PALM: variants seen among roughly 807,000 people sequenced by gnomAD.
The protein encoded by PALM is paralemmin-1.
Under a neutral mutation model 30.7 loss-of-function variants are expected in PALM, and 18 were observed. The observed-to-expected ratio is 0.59, with a 90% CI of 0.41 to 0.87. The LOEUF is 0.87. PALM is among the 40% of genes least tolerant of loss of function. PALM has a pLI of 0.00. For synonymous variants in PALM, 286 were observed against 242.8 expected, an observed-to-expected ratio of 1.18 and a Z score of -1.66; for missense variants, 529 against 555.4, an observed-to-expected ratio of 0.95 and a Z score of 0.48.
In PALM at chr19:723,076, C is replaced by T. The variant is rs140697698; in HGVS notation, c.6-3062C>T. Among the ~76,000 whole-genome samples the T allele has an allele frequency of 1.3e-3, 195 of 146,890 alleles. 8 individuals carry two copies. The East Asian group carries it at 0.039, about 29-fold the overall frequency. On this transcript the variant is annotated intron_variant, in intron 1 of 8. Transcript: ENST00000338448. Reference sequence around the variant, plus strand: ...TCTTGACCCGGAGCAGCCTCCCAGGCGGGGCTGGGGGTGAGCCAGTGCACT... The same window carrying T: ...TCTTGACCCGGAGCAGCCTCCCAGGTGGGGCTGGGGGTGAGCCAGTGCACT...
rs142161853 is a variant in PALM, at chr19:727,097, G to C, written c.138+9G>C. 1.2e-5 allele frequency: 19 copies of C among 1,535,198 alleles called. No individual in the cohort carries two copies. Among genetic ancestry groups the C allele is most frequent in the African/African-American group, 2.8e-5 (2 of 72,646 alleles). On this transcript the variant is annotated intron_variant, in intron 3 of 8. Coordinates refer to ENST00000338448, the MANE Select transcript of PALM (RefSeq NM_002579.3). ...AGCTGCAGCACCTGAAGGTACGAGC[G>C]GGGCAGGGACCCAGGGTCAGGGAGT...
chr19:717,664 G>C (rs2238553), intron 1 of PALM, among the ~76,000 whole-genome samples: 1 of 151,896 alleles, frequency 6.6e-6, no homozygotes, highest in African/African-American at 2.4e-5. Context: ...ATAAGTGTAA[G>C]TCGTGACAGT....
At chr19:717,660 G>GT (rs1477135578) in intron 1 of PALM, among the ~76,000 whole-genome samples, 1 of 151,918 alleles carries the variant, frequency 6.6e-6, no homozygotes, top group African/African-American at 2.4e-5. Context: ...TTACATAAGT[G>GT]TAAGTCGTGA....
chr19:736,099 T>C, intron 7 of PALM, 21 bp downstream of exon 7: 1 of 1,479,660 alleles, frequency 6.8e-7, no homozygotes, highest in South Asian at 1.1e-5. Context: ...CCCCAGGCTC[T>C]GGGCCCCAGA....
chr19:736,183 G>T, intron 7 of PALM, 105 bp downstream of exon 7: 2 of 774,356 alleles, frequency 2.6e-6, no homozygotes, highest in Non-Finnish European at 2.1e-6. Flanking sequence ...CCTGCTCTCC[G>T]CAGCGTCTGA....
intron 7 of PALM, among the ~76,000 whole-genome samples, chr19:739,922 C>A (rs1316760046): frequency 6.6e-6 from 1 of 152,150 alleles, no homozygotes; most frequent in African/African-American, 2.4e-5. Context: ...CAGATCACAC[C>A]ACTGTGCTCC....
At chr19:712,214 G>A (rs1304132516) in intron 1 of PALM, among the ~76,000 whole-genome samples, 2 of 151,338 alleles carry the variant, frequency 1.3e-5, no homozygotes, top group East Asian at 2.0e-4. Flanking sequence ...GTAGCGACAG[G>A]GTTTCACCAG....
chr19:728,810 T>C (rs150695852), intron 4 of PALM, among the ~76,000 whole-genome samples: 2,617 of 152,008 alleles, frequency 0.017, 82 homozygotes, highest in African/African-American at 0.059. Context: ...GAGACCATCC[T>C]GGCTAACACA....
chr19:712,702 GTC>G (rs1205303571), intron 1 of PALM, among the ~76,000 whole-genome samples: 4 of 147,872 alleles, frequency 2.7e-5, no homozygotes, highest in Non-Finnish European at 4.5e-5. Context: ...TGGAGACAGA[GTC>G]TCTCTCTGTC....
chr19:747,137 G>T lies in PALM; in HGVS notation c.*323G>T. ...GGCTCGCGCCCACCGGGGTCCTGGC[G>T]GGTGGGACCCGCAGCCTCCACGCGG... is the stretch of plus-strand genomic sequence containing the variant. On this transcript the variant is annotated 3_prime_UTR_variant, in exon 9 of 9. Coordinates refer to ENST00000338448, the MANE Select transcript of PALM (RefSeq NM_002579.3). The T allele has an allele frequency of 3.3e-6, 1 of 299,834 alleles. No homozygotes were observed. The highest frequency in any genetic ancestry group is 6.3e-6 in the Non-Finnish European group (1 of 159,078). 18.6% of individuals were successfully genotyped at this position (299,834 alleles called of 1,614,324 possible).
intron 6 of PALM, 81 bp downstream of exon 6, chr19:734,275 T>C (rs1190157481): frequency 7.1e-7 from 1 of 1,405,402 alleles, no homozygotes; most frequent in Non-Finnish European, 1.0e-6. Flanking sequence ...GGAGTGAAGC[T>C]ACAAAGTTGC....
chr19:746,572 G>A lies in PALM; in HGVS notation c.922G>A (p.Val308Met), dbSNP rs764486706. 1.4e-5 allele frequency: 22 copies of A among 1,613,314 alleles called. No individual in the cohort carries two copies. The highest frequency in any genetic ancestry group is 4.0e-5 in the African/African-American group (3 of 74,910). Reference sequence around the variant, plus strand: ...AATGATCTTCATGGGTTACCAGAACGTGGAGGATGAGGCCGAGACCAAGAA... The same window carrying A: ...AATGATCTTCATGGGTTACCAGAACATGGAGGATGAGGCCGAGACCAAGAA... ...VTMIFMGYQN[V>M]EDEAETKKVL... The change falls in exon 9 of 9, where the codon GTG becomes ATG. Residue 308 changes from valine to methionine, a missense_variant. Transcript: ENST00000338448. The surrounding 1 kb of genome is among the most constrained non-coding windows in gnomAD (Gnocchi z 7.1).
chr19:720,294 G>C (rs990091825), intron 1 of PALM, among the ~76,000 whole-genome samples: 16 of 151,882 alleles, frequency 1.1e-4, no homozygotes, highest in Middle Eastern at 6.9e-3. Flanking sequence ...ATCCATCACC[G>C]GGGCGGCGGC....
Position 727,000 on chromosome 19 carries a change from C to CCCCCCCCCA in PALM, c.58-5_58-4insCCCCCACCC. ...CCCATCCCTGACCCCACCCGGCCCT[C>CCCCCCCCCA]CCCACAGGAGAAGCGGAAGCGGCAG... On this transcript the variant is annotated splice_polypyrimidine_tract_variant and splice_region_variant and intron_variant, in intron 2 of 8. Transcript: ENST00000338448. The CCCCCCCCCA allele has an allele frequency of 1.4e-6, 2 of 1,446,498 alleles. No individual in the cohort carries two copies. Among genetic ancestry groups the CCCCCCCCCA allele is most frequent in the Non-Finnish European group, 9.5e-7 (1 of 1,055,342 alleles). The allele number at this position is 1,446,498 out of a possible 1,614,324, so 89.6% of individuals were successfully genotyped here. A position where few individuals can be genotyped will look rare whatever the true frequency, so the allele number is the denominator to read the frequency against.
intron 6 of PALM, chr19:735,080 G>A (rs1490327399): frequency 1.0e-6 from 1 of 984,912 alleles, no homozygotes; most frequent in African/African-American, 1.7e-5. Flanking sequence ...GCTGCCTGTG[G>A]GATTTTCTAG....
intron 7 of PALM, 60 bp downstream of exon 7, chr19:736,138 G>GT: frequency 7.7e-7 from 1 of 1,291,764 alleles, no homozygotes; most frequent in South Asian, 1.2e-5. Flanking sequence ...CCAAGTCTCG[G>GT]TCCGGGGGGC....
At chr19:741,267 G>A (rs1286811975) in intron 8 of PALM, among the ~76,000 whole-genome samples, 1 of 152,194 alleles carries the variant, frequency 6.6e-6, no homozygotes, top group African/African-American at 2.4e-5. Context: ...GAGGAGGCAA[G>A]CAGGGGCTCA....
rs551346388 is a variant in PALM, at chr19:709,493, A to G, written c.5+342A>G. On this transcript the variant is annotated intron_variant, in intron 1 of 8. Transcript: ENST00000338448. This position sits in a 1 kb window ranked among gnomAD's most constrained non-coding sequence, Gnocchi z 4.3. ...CCAGGGCGAGCCTCGGCTCTCGGCC[A>G]CCTGTGGGTGGCCCCGGGGAGATGG... Among the ~76,000 whole-genome samples the G allele has an allele frequency of 1.0e-3, 157 of 151,584 alleles. No individual in the cohort carries two copies. Among genetic ancestry groups the G allele is most frequent in the Non-Finnish European group, 1.5e-3 (103 of 67,732 alleles).
rs550702863 is a variant in PALM at position 709,982 on chromosome 19, C to T, written c.5+831C>T. ...ATTTCGGACACCGGTCCCCTCCTCC[C>T]GGTGCTCGGGTGCCCCTCTGCCCCT... is the stretch of plus-strand genomic sequence containing the variant. On this transcript the variant is annotated intron_variant, in intron 1 of 8. Coordinates refer to ENST00000338448, the MANE Select transcript of PALM (RefSeq NM_002579.3). The surrounding 1 kb of genome is among the most constrained non-coding windows in gnomAD (Gnocchi z 4.3). 1.1e-4 allele frequency among the ~76,000 whole-genome samples: 17 copies of T among 152,260 alleles called. No homozygotes were observed. In the South Asian group the frequency reaches 3.3e-3, roughly 30 times the overall value.
Sources: allele counts gnomAD v4.1 joint callset (sites outside exome capture counted in the v4.1 genomes callset), GRCh38; gene constraint gnomAD v4.1.1; non-coding constraint Gnocchi (gnomAD v3.1); transcripts MANE v1.5; gene names NCBI Gene and HGNC (gene_info 2026-07-23, HGNC 2026-07-21).